Variants in RELL1 observed in about 807,000 individuals in gnomAD.
RELL1 encodes RELT like 1.
RELL1 carries 10 observed loss-of-function variants against 23.0 expected under a neutral mutation model. That is an observed-to-expected ratio of 0.43 (90% CI 0.27 to 0.74). The LOEUF is 0.74. Among genes scored for constraint, RELL1 ranks in the 30% least tolerant of loss-of-function variants. The pLI is 0.19. For missense variants in RELL1, 315 were observed against 364.4 expected (o/e 0.86, Z 1.10); for synonymous variants, 146 against 146.8 (o/e 0.99, Z 0.04).
downstream of RELL1, among the ~76,000 whole-genome samples, chr4:37,607,634 C>T (rs1228834735): frequency 6.8e-6 from 1 of 146,924 alleles, no homozygotes; most frequent in African/African-American, 2.5e-5. Context: ...GGCAGGAGTG[C>T]AGCGGCACAA....
At chr4:37,660,847 C>A (rs181011948) in intron 1 of RELL1, among the ~76,000 whole-genome samples, 3 of 152,044 alleles carry the variant, frequency 2.0e-5, no homozygotes, top group Admixed American at 6.6e-5. Flanking sequence ...CTGGCTAACA[C>A]GGTGAAACCC....
At chr4:37,679,637 A>T (rs1722137001) in intron 1 of RELL1, among the ~76,000 whole-genome samples, 1 of 152,208 alleles carries the variant, frequency 6.6e-6, no homozygotes, top group Non-Finnish European at 1.5e-5. Context: ...GCAAATAGTC[A>T]AGATAGAATA....
At chr4:37,625,008 A>G (rs890496517) in intron 6 of RELL1, among the ~76,000 whole-genome samples, 1 of 152,216 alleles carries the variant, frequency 6.6e-6, no homozygotes, top group Non-Finnish European at 1.5e-5. Context: ...ATATCGTATC[A>G]TGTATGTCCA....
chr4:37,604,849 A>ATACACG (rs1414950573), intron 6 of RELL1, among the ~76,000 whole-genome samples: 1 of 102,288 alleles, frequency 9.8e-6, no homozygotes, highest in African/African-American at 3.8e-5. Context: ...AGACACACAC[A>ATACACG]CAGACACACA....
At chr4:37,602,762 A>G (rs1216861171) in intron 6 of RELL1, among the ~76,000 whole-genome samples, 2 of 152,190 alleles carry the variant, frequency 1.3e-5, no homozygotes, top group East Asian at 3.8e-4. Context: ...ACCTTTCTCA[A>G]TGTCACACAG....
chr4:37,665,719 C>A (rs1721508871), intron 1 of RELL1, among the ~76,000 whole-genome samples: 1 of 152,194 alleles, frequency 6.6e-6, no homozygotes, highest in African/African-American at 2.4e-5. Flanking sequence ...TCTCCAGTAG[C>A]AACGGGAAGA....
intron 6 of RELL1, chr4:37,591,580 G>C (rs1403697128): frequency 1.3e-5 from 2 of 152,228 alleles, no homozygotes; most frequent in African/African-American, 4.8e-5. Flanking sequence ...TCACAGTAGA[G>C]CAGAAGTCCC....
rs113012283 is a variant in RELL1, at chr4:37,634,270, A to G, written c.680+617T>C. Among the ~76,000 whole-genome samples the G allele has an allele frequency of 1.8e-3, 272 of 152,366 alleles. 3 individuals are homozygous for G. Among genetic ancestry groups the G allele is most frequent in the African/African-American group, 6.3e-3 (262 of 41,594 alleles). ...AAAGAAAGCAGTCAAAGCAATTCAC[A>G]TGGAACTTAACAGACAGACACTGGA... On this transcript the variant is annotated intron_variant, in intron 5 of 6. Transcript: ENST00000454158.
At chr4:37,601,045 A>G (rs1719002742) in intron 6 of RELL1, among the ~76,000 whole-genome samples, 1 of 152,230 alleles carries the variant, frequency 6.6e-6, no homozygotes, top group African/African-American at 2.4e-5. Context: ...AAACAGAGGA[A>G]GAGACCATGC....
At chr4:37,605,948 A>G (rs1719203784), downstream of RELL1, among the ~76,000 whole-genome samples, 1 of 146,470 alleles carries the variant, frequency 6.8e-6, no homozygotes, top group African/African-American at 2.5e-5. Context: ...GGAGAGAAAG[A>G]GGAAGGGAAG....
downstream of RELL1, among the ~76,000 whole-genome samples, chr4:37,608,518 G>A (rs1719289544): frequency 6.6e-6 from 1 of 152,098 alleles, no homozygotes; most frequent in Admixed American, 6.6e-5. Context: ...GCCTAATACA[G>A]AGCAAGGTCC....
intron 1 of RELL1, among the ~76,000 whole-genome samples, chr4:37,656,629 C>A (rs1019849669): frequency 2.0e-5 from 3 of 152,206 alleles, no homozygotes; most frequent in Non-Finnish European, 2.9e-5. Context: ...GTAGTGGGAC[C>A]TTTAAGAAGT....
chr4:37,668,269 G>T (rs182562394), intron 1 of RELL1, among the ~76,000 whole-genome samples: 1 of 128,432 alleles, frequency 7.8e-6, no homozygotes, highest in Non-Finnish European at 1.6e-5. Flanking sequence ...ATACCGAGCC[G>T]AAGCTGGACT....
At chr4:37,588,459 G>C (rs181811499), downstream of RELL1, 1 of 164,552 alleles carries the variant, frequency 6.1e-6, no homozygotes, top group African/African-American at 2.4e-5. Context: ...CTGCTGCTGC[G>C]TGCAGTGGGC....
At chr4:37,680,638 G>A (rs564847273) in intron 1 of RELL1, among the ~76,000 whole-genome samples, 2 of 152,236 alleles carry the variant, frequency 1.3e-5, no homozygotes, top group East Asian at 3.9e-4. Context: ...AAGAACCTAT[G>A]CGAGTTAAGA....
intron 6 of RELL1, among the ~76,000 whole-genome samples, chr4:37,615,167 C>A (rs1008780501): frequency 3.3e-5 from 5 of 152,198 alleles, no homozygotes; most frequent in African/African-American, 1.2e-4. Flanking sequence ...TACCATCATC[C>A]AATTCTCTGC....
At chr4:37,682,877 C>G (rs761590518) in intron 1 of RELL1, among the ~76,000 whole-genome samples, 1 of 152,220 alleles carries the variant, frequency 6.6e-6, no homozygotes, top group Non-Finnish European at 1.5e-5. Flanking sequence ...CCACCCACTC[C>G]TTACTCGAGG....
chr4:37,649,218 G>T (rs1298520948), intron 2 of RELL1, 58 bp downstream of exon 2: 12 of 1,331,954 alleles, frequency 9.0e-6, no homozygotes, highest in Admixed American at 7.2e-5. Flanking sequence ...ATATATCACT[G>T]GTTTCATATT....
rs369442818 is a variant in RELL1, at chr4:37,595,505, G to A, written c.*4-4288C>T. Among the ~76,000 whole-genome samples the A allele has an allele frequency of 2.6e-5, 4 of 151,856 alleles. No homozygotes were observed. The East Asian group carries it at 7.7e-4, about 29-fold the overall frequency. On this transcript the variant is annotated intron_variant, in intron 6 of 6. Transcript: ENST00000314117. ...AAAGAATACATAAAAGAAGTCTGGA[G>A]TTAGTGATCTTTTCCCGGTCTGGTT...
Sources: gnomAD v4.1 joint callset for allele counts (sites outside exome capture counted in the v4.1 genomes callset) on GRCh38, gnomAD v4.1.1 for gene constraint, MANE v1.5 for transcripts, NCBI Gene and HGNC (gene_info 2026-07-23, HGNC 2026-07-21) for gene names.